The following SPEN variants were observed in gnomAD, a reference collection of about 807,000 sequenced individuals.
SPEN encodes the protein msx2-interacting protein.
Under a neutral mutation model 269.9 loss-of-function variants are expected in SPEN, and 18 were observed. The observed-to-expected ratio is 0.07, with a 90% CI of 0.05 to 0.10. SPEN has a LOEUF of 0.10. Ranked by LOEUF, SPEN falls within the 10% of genes least tolerant of loss-of-function variation. The probability of loss-of-function intolerance (pLI) is 1.00; values close to 1 mark genes in which losing one functional copy is unlikely to be tolerated. For synonymous variants in SPEN, 1,726 were observed against 1,765.7 expected, an observed-to-expected ratio of 0.98 and a Z score of 0.56; for missense variants, 3,822 against 4,631.2, an observed-to-expected ratio of 0.83 and a Z score of 5.07.
intron 3 of SPEN, among the ~76,000 whole-genome samples, chr1:15,895,678 CTTTTTTTTTTT>C (rs746305617): frequency 7.7e-6 from 1 of 129,690 alleles, no homozygotes; most frequent in Non-Finnish European, 1.6e-5. Flanking sequence ...TATACTTAAC[CTTTTTTTTTTT>C]TTTTTTTTGG....
chr1:15,927,358 C>T (rs978102355), intron 10 of SPEN, among the ~76,000 whole-genome samples: 1 of 152,162 alleles, frequency 6.6e-6, no homozygotes, highest in East Asian at 1.9e-4. Flanking sequence ...CAGATATTAT[C>T]TTAATCTTTT....
intron 4 of SPEN, among the ~76,000 whole-genome samples, chr1:15,910,180 T>C (rs1330828838): frequency 6.7e-6 from 1 of 149,088 alleles, no homozygotes; most frequent in East Asian, 1.9e-4. Flanking sequence ...TAAAAACTTA[T>C]GTATCAGGTT....
chr1:15,914,897 AG>A (rs2071043955), intron 5 of SPEN, among the ~76,000 whole-genome samples: 1 of 152,236 alleles, frequency 6.6e-6, no homozygotes, highest in Non-Finnish European at 1.5e-5. Flanking sequence ...CAATATCAAA[AG>A]ATAATTTAAA....
intron 1 of SPEN, among the ~76,000 whole-genome samples, chr1:15,853,460 T>C (rs1301717015): frequency 6.6e-6 from 1 of 151,832 alleles, no homozygotes; most frequent in Non-Finnish European, 1.5e-5. Flanking sequence ...GTGCTGGGAT[T>C]ACAGGTGTGA....
chr1:15,906,529 G>T (rs1274915347), intron 3 of SPEN, among the ~76,000 whole-genome samples: 13 of 131,286 alleles, frequency 9.9e-5, no homozygotes, highest in Admixed American at 9.3e-4. Context: ...TGTGATCAGA[G>T]TTTAATGCAG....
At chr1:15,880,884 G>A (rs2148714017) in intron 3 of SPEN, among the ~76,000 whole-genome samples, 2 of 152,296 alleles carry the variant, frequency 1.3e-5, no homozygotes, top group South Asian at 2.1e-4. Flanking sequence ...GAAGAGAGGA[G>A]GTTTAGGCTA....
At position 15,933,168 on chromosome 1, in the gene SPEN, C is replaced by A. The variant is rs749064619; in HGVS notation, c.6928C>A (p.His2310Asn). The A allele has an allele frequency of 1.9e-6, 3 of 1,614,094 alleles. No individual in the cohort carries two copies. In the African/African-American group the frequency reaches 4.0e-5, roughly 22 times the overall value. ...EARGNSSETS[H>N]SVPEAKGSKE... ...CAGAGGAAATAGCAGTGAAACCTCA[C>A]ACTCAGTGCCAGAAGCCAAAGGGTC... The change falls in exon 11 of 15, where the codon CAC becomes AAC. Residue 2310 changes from histidine to asparagine, a missense_variant. Physicochemically the swap from His to Asn is moderately conservative, Grantham distance 68. Coordinates refer to ENST00000375759, the MANE Select transcript of SPEN (RefSeq NM_015001.3). The surrounding 1 kb of genome is among the most constrained non-coding windows in gnomAD (Gnocchi z 5.7).
rs961459706 is a variant in SPEN, at chr1:15,937,759, A to T, written c.10510-53A>T. 1 of 1,611,304 alleles carries T rather than the reference A, an allele frequency of 6.2e-7. No individual in the cohort carries two copies. Among genetic ancestry groups the T allele is most frequent in the African/African-American group, 1.3e-5 (1 of 74,796 alleles). ...GCTACAGCCTCTGGCTGTGTCCAGCATGGCTCAGCGAGGGGCCATGAGCTC... is the reference window on the plus strand; with the variant it reads ...GCTACAGCCTCTGGCTGTGTCCAGCTTGGCTCAGCGAGGGGCCATGAGCTC... On this transcript the variant is annotated intron_variant, in intron 12 of 14. Coordinates refer to ENST00000375759, the MANE Select transcript of SPEN (RefSeq NM_015001.3). The surrounding 1 kb of genome is among the most constrained non-coding windows in gnomAD (Gnocchi z 5.7).
In SPEN at chr1:15,935,937, G is replaced by A. The variant is rs1486224383; in HGVS notation, c.9697G>A (p.Ala3233Thr). The change falls in exon 11 of 15, where the codon GCT becomes ACT. Residue 3233 changes from alanine to threonine, a missense_variant. Ala to Thr is a moderately conservative substitution (Grantham distance 58). Around this residue, in one of 16 missense-constraint regions of SPEN, gnomAD observed 359 missense variants for 377.3 expected, o/e 0.95. Coordinates refer to ENST00000375759, the MANE Select transcript of SPEN (RefSeq NM_015001.3). This position sits in a 1 kb window ranked among gnomAD's most constrained non-coding sequence, Gnocchi z 7.7. ...SKAPQQPGKE[A>T]AKTPDAKAAP... The stretch of plus-strand genomic sequence containing the variant: ...GGCCCCTCAGCAGCCAGGGAAGGAA[G>A]CTGCCAAGACACCAGATGCCAAAGC... 1 of 1,610,958 alleles carries A rather than the reference G, an allele frequency of 6.2e-7. No homozygotes were observed. The highest frequency in any genetic ancestry group is 2.2e-5 in the East Asian group (1 of 44,848).
chr1:15,916,963 A>G (rs888171993), intron 6 of SPEN, among the ~76,000 whole-genome samples: 2 of 152,144 alleles, frequency 1.3e-5, no homozygotes, highest in African/African-American at 2.4e-5. Flanking sequence ...CCCTGTCTCT[A>G]TAAAAATACA....
Position 15,872,864 on chromosome 1 carries a change from A to C in SPEN, c.132A>C (p.Glu44Asp). Residue 44 changes from glutamate to aspartate, a missense_variant, in exon 2 of 15, where the codon GAA becomes GAC. Glu to Asp is a conservative substitution (Grantham distance 45, BLOSUM62 2). Transcript: ENST00000375759. ...SVKILPKRGS[E>D]GGVAAFVDFV... is the part of the protein sequence containing the mutation. ...AAATTCTTCCCAAGAGGGGATCTGAAGGAGGAGTGGCTGCCTTTGTGGATT... is the reference window on the plus strand; with the variant it reads ...AAATTCTTCCCAAGAGGGGATCTGACGGAGGAGTGGCTGCCTTTGTGGATT... 1 of 1,536,906 alleles carries C rather than the reference A, an allele frequency of 6.5e-7. No homozygotes were observed. Among genetic ancestry groups the C allele is most frequent in the Non-Finnish European group, 8.9e-7 (1 of 1,129,434 alleles).
chr1:15,933,836 C>G lies in SPEN; in HGVS notation c.7596C>G (p.Ser2532Arg). 2 of 1,613,326 alleles carry G rather than the reference C, an allele frequency of 1.2e-6. No individual in the cohort carries two copies. The highest frequency in any genetic ancestry group is 2.2e-5 in the South Asian group (2 of 91,082). ...TKASDVDTSS[S>R]TLRKILMDPK... is the part of the protein sequence containing the mutation. ...CCTCTGATGTTGACACCAGCTCCAGCACCCTGAGGAAGATTCTCATGGACC... is the reference window on the plus strand; with the variant it reads ...CCTCTGATGTTGACACCAGCTCCAGGACCCTGAGGAAGATTCTCATGGACC... Residue 2532 changes from serine to arginine, a missense_variant, in exon 11 of 15, where the codon AGC becomes AGG. By Grantham distance (110) the Ser-to-Arg change is moderately radical (BLOSUM62 -1). This residue lies in a region of SPEN where 727 missense variants were observed against 737.9 expected (regional missense o/e 0.99). Transcript: ENST00000375759. The surrounding 1 kb of genome is among the most constrained non-coding windows in gnomAD (Gnocchi z 5.7).
At position 15,876,299 on chromosome 1, in the gene SPEN, G is replaced by T; in HGVS notation, c.502G>T (p.Asp168Tyr). 6.2e-7 allele frequency: 1 copy of T among 1,613,928 alleles called. No homozygotes were observed. Among genetic ancestry groups the T allele is most frequent in the East Asian group, 2.2e-5 (1 of 44,894 alleles). Residue 168 changes from aspartate (D) to tyrosine (Y), a missense_variant, in exon 3 of 15, where the codon GAT becomes TAT. Asp to Tyr is a radical substitution (Grantham distance 160). Transcript: ENST00000375759. The stretch of plus-strand genomic sequence containing the variant: ...TGATCGGACAAGACATTACGATCAG[G>T]ATTACTATAGAGATCCTCGAGAGCG... The part of the protein sequence containing the change: ...GFDRTRHYDQ[D>Y]YYRDPRERTL...
At chr1:15,916,991 G>A (rs939644115) in intron 6 of SPEN, among the ~76,000 whole-genome samples, 2 of 152,126 alleles carry the variant, frequency 1.3e-5, no homozygotes, top group African/African-American at 4.8e-5. Context: ...GCTGGGCGTT[G>A]GTGGCTTGCT....
rs2070595474 is a variant in SPEN at position 15,872,851 on chromosome 1, A to G, written c.119A>G (p.Lys40Arg). The change falls in exon 2 of 15, where the codon AAG (lysine) becomes AGG (arginine). Residue 40 changes from lysine to arginine, a missense_variant. This residue lies in a region of SPEN where 51 missense variants were observed against 56.1 expected (regional missense o/e 0.91). Coordinates refer to ENST00000375759, the MANE Select transcript of SPEN (RefSeq NM_015001.3). ...GRVESVKILPKRGSEGGVAAF... is the reference protein window; with the variant it reads ...GRVESVKILPRRGSEGGVAAF... Reference sequence around the variant, plus strand: ...GTGGAAAGTGTCAAAATTCTTCCCAAGAGGGGATCTGAAGGAGGAGTGGCT... The same window carrying G: ...GTGGAAAGTGTCAAAATTCTTCCCAGGAGGGGATCTGAAGGAGGAGTGGCT... 2 of 1,534,120 alleles carry G rather than the reference A, an allele frequency of 1.3e-6. No homozygotes were observed. Among genetic ancestry groups the G allele is most frequent in the Non-Finnish European group, 1.8e-6 (2 of 1,130,868 alleles).
intron 14 of SPEN, 29 bp downstream of exon 14, chr1:15,938,905 T>G (rs752851190): frequency 6.8e-6 from 11 of 1,606,700 alleles, no homozygotes; most frequent in Admixed American, 5.0e-5. Flanking sequence ...TTCCTTCACA[T>G]GTACACCCAC....
At chr1:15,903,568 G>A (rs1436302407) in intron 3 of SPEN, among the ~76,000 whole-genome samples, 1 of 152,138 alleles carries the variant, frequency 6.6e-6, no homozygotes, top group Admixed American at 6.6e-5. Flanking sequence ...TAGAGATGGG[G>A]TTTTGTCCTG....
At chr1:15,852,179 CTT>C in intron 1 of SPEN, among the ~76,000 whole-genome samples, 1 of 152,178 alleles carries the variant, frequency 6.6e-6, no homozygotes, top group East Asian at 1.9e-4. Flanking sequence ...TATTTTTAGA[CTT>C]AAACAAATTT....
intron 4 of SPEN, 142 bp from the exon 5 acceptor site, chr1:15,910,959 C>G: frequency 1.5e-6 from 1 of 666,218 alleles, no homozygotes; most frequent in Non-Finnish European, 2.6e-6. Context: ...GTGCCTCCCT[C>G]AGACCTTGTT....
Sources: gnomAD v4.1 joint callset for allele counts (sites outside exome capture counted in the v4.1 genomes callset) on GRCh38, gnomAD v4.1.1 for gene constraint, gnomAD v4.1.1 regional missense constraint, Gnocchi (gnomAD v3.1) non-coding constraint, MANE v1.5 for transcripts, NCBI Gene and HGNC (gene_info 2026-07-23, HGNC 2026-07-21) for gene names.